The following SLC4A10 variants were observed in gnomAD, a reference collection of about 807,000 sequenced individuals.
The protein encoded by SLC4A10 is sodium-driven chloride bicarbonate exchanger.
SLC4A10 carries 42 observed loss-of-function variants against 137.7 expected under a neutral mutation model. The ratio of observed to expected loss-of-function variants is 0.30; its 90% CI spans 0.24 to 0.39. SLC4A10 has a LOEUF of 0.39. SLC4A10 is among the 10% of genes least tolerant of loss of function. The pLI is 1.00. For synonymous variants in SLC4A10, 474 were observed against 464.1 expected, an observed-to-expected ratio of 1.02 and a Z score of -0.27; for missense variants, 925 against 1,355.0, an observed-to-expected ratio of 0.68 and a Z score of 4.98.
chr2:161,771,421 C>T (rs956654742), intron 2 of SLC4A10, among the ~76,000 whole-genome samples: 2 of 151,752 alleles, frequency 1.3e-5, no homozygotes, highest in Non-Finnish European at 2.9e-5. Flanking sequence ...GGGGGAGGGG[C>T]ATCTAACTCA....
chr2:161,651,914 T>C (rs2036857633), intron 1 of SLC4A10, among the ~76,000 whole-genome samples: 1 of 152,142 alleles, frequency 6.6e-6, no homozygotes, highest in Non-Finnish European at 1.5e-5. Flanking sequence ...ACCTGAGCAA[T>C]ACTCAGGCAG....
intron 1 of SLC4A10, among the ~76,000 whole-genome samples, chr2:161,678,771 C>T (rs76982333): frequency 0.017 from 2,588 of 152,200 alleles, 76 homozygotes; most frequent in African/African-American, 0.058. Context: ...CTGTGATACT[C>T]ATCCATGTTC....
In SLC4A10 at chr2:161,856,824, T is replaced by C. The variant is rs542148876; in HGVS notation, c.577+1694T>C. ...TATTATTATTGTTATCCTTATTTAA[T>C]AAAGAAAAAAACTAAGATTTAAAAG... On this transcript the variant is annotated intron_variant, in intron 5 of 26. Transcript: ENST00000446997. Among the ~76,000 whole-genome samples the C allele has an allele frequency of 4.9e-4, 75 of 152,230 alleles. 1 individual carries two copies. Among genetic ancestry groups the C allele is most frequent in the African/African-American group, 1.7e-3 (69 of 41,570 alleles).
At chr2:161,724,290 G>C (rs920795598) in intron 1 of SLC4A10, among the ~76,000 whole-genome samples, 1 of 152,084 alleles carries the variant, frequency 6.6e-6, no homozygotes, top group African/African-American at 2.4e-5. Flanking sequence ...TCATTGAAAG[G>C]CTCACCATTA....
chr2:161,937,232 T>C (rs1401671698), intron 15 of SLC4A10, among the ~76,000 whole-genome samples: 2 of 152,170 alleles, frequency 1.3e-5, no homozygotes, highest in African/African-American at 2.4e-5. Flanking sequence ...ATCATTTCAG[T>C]TAATGATCTG....
In SLC4A10 at chr2:161,640,750, C is replaced by G. The variant is rs11888591; in HGVS notation, c.48+16184C>G. Among the ~76,000 whole-genome samples, 274 of 151,984 alleles carry G rather than the reference C, an allele frequency of 1.8e-3. 1 individual carries two copies. The highest frequency in any genetic ancestry group is 6.3e-3 in the African/African-American group (260 of 41,438). ...TGGTCATCACAGTGCACTGCAGCCT[C>G]TGAATCCTGGTCTCAAGCTATCCTC... is the stretch of plus-strand genomic sequence containing the variant. On this transcript the variant is annotated intron_variant, in intron 1 of 26. Transcript: ENST00000446997.
chr2:161,723,757 G>A (rs1574579500), intron 1 of SLC4A10, among the ~76,000 whole-genome samples: 2 of 152,214 alleles, frequency 1.3e-5, no homozygotes, highest in East Asian at 3.9e-4. Context: ...TAAAATCTAT[G>A]GAGATAGAAC....
chr2:161,629,073 G>A (rs531400226), intron 1 of SLC4A10, among the ~76,000 whole-genome samples: 4 of 152,002 alleles, frequency 2.6e-5, no homozygotes, highest in South Asian at 2.1e-4. Context: ...ACGATGGCCC[G>A]CAAGTAAATG....
intron 10 of SLC4A10, among the ~76,000 whole-genome samples, chr2:161,892,418 A>T (rs538609875): frequency 2.0e-3 from 297 of 150,790 alleles, no homozygotes; most frequent in Middle Eastern, 0.01. Context: ...TTTTAATATT[A>T]AAAAAAATCT....
intron 16 of SLC4A10, among the ~76,000 whole-genome samples, chr2:161,944,385 T>G (rs376158715): frequency 1.3e-5 from 2 of 151,954 alleles, no homozygotes; most frequent in East Asian, 1.9e-4. Context: ...CTATATGTGT[T>G]TTGTATTATG....
intron 11 of SLC4A10, among the ~76,000 whole-genome samples, chr2:161,898,505 C>T (rs1272418129): frequency 2.0e-5 from 3 of 152,122 alleles, no homozygotes; most frequent in Admixed American, 6.5e-5. Context: ...ATTCTGACCT[C>T]ATACTCTTTC....
At chr2:161,937,440 G>A (rs780653138) in intron 15 of SLC4A10, among the ~76,000 whole-genome samples, 5 of 152,020 alleles carry the variant, frequency 3.3e-5, no homozygotes, top group African/African-American at 4.8e-5. Context: ...TTTATTCTCT[G>A]TAGTTCCCCA....
chr2:161,935,024 T>G (rs1691319868), intron 15 of SLC4A10, among the ~76,000 whole-genome samples: 1 of 152,148 alleles, frequency 6.6e-6, no homozygotes, highest in Non-Finnish European at 1.5e-5. Flanking sequence ...ATGGCAATGT[T>G]TTCTTATAGT....
intron 21 of SLC4A10, among the ~76,000 whole-genome samples, chr2:161,960,997 T>G (rs1161740560): frequency 2.0e-5 from 3 of 152,208 alleles, no homozygotes; most frequent in Admixed American, 2.0e-4. Context: ...CCTTGAAAAG[T>G]CTTGTTTTAT....
chr2:161,898,857 T>C (rs2063790946), intron 11 of SLC4A10, among the ~76,000 whole-genome samples: 1 of 152,100 alleles, frequency 6.6e-6, no homozygotes, highest in African/African-American at 2.4e-5. Flanking sequence ...CATGACCACA[T>C]ACCTCAAGTG....
chr2:161,843,378 A>T (rs2059306554), intron 4 of SLC4A10, among the ~76,000 whole-genome samples: 2 of 152,196 alleles, frequency 1.3e-5, no homozygotes, highest in East Asian at 1.9e-4. Context: ...AAGAATAAAA[A>T]GATAGTCCAT....
chr2:161,840,603 T>A (rs2059119902), intron 4 of SLC4A10, among the ~76,000 whole-genome samples: 1 of 152,186 alleles, frequency 6.6e-6, no homozygotes, highest in Non-Finnish European at 1.5e-5. Flanking sequence ...GCAATGGATA[T>A]GGCACAACAA....
intron 6 of SLC4A10, among the ~76,000 whole-genome samples, chr2:161,869,820 C>T (rs949276844): frequency 6.6e-6 from 1 of 151,566 alleles, no homozygotes; most frequent in African/African-American, 2.4e-5. Flanking sequence ...TATCATTTAA[C>T]TACTGCTCTG....
At chr2:161,908,510 A>G (rs907760281) in intron 15 of SLC4A10, among the ~76,000 whole-genome samples, 4 of 151,138 alleles carry the variant, frequency 2.6e-5, no homozygotes, top group Non-Finnish European at 5.9e-5. Flanking sequence ...TGGGTGCAGC[A>G]CACCAACATG....
Sources: gnomAD v4.1 joint callset for allele counts (sites outside exome capture counted in the v4.1 genomes callset) on GRCh38, gnomAD v4.1.1 for gene constraint, MANE v1.5 for transcripts, NCBI Gene and HGNC (gene_info 2026-07-23, HGNC 2026-07-21) for gene names.